Variants in COIL observed in about 807,000 individuals in gnomAD.
COIL encodes the protein coilin.
Under a neutral mutation model 51.6 loss-of-function variants are expected in COIL, and 28 were observed. The observed-to-expected ratio is 0.54, with a 90% CI of 0.40 to 0.74. The LOEUF is 0.74. Among genes scored for constraint, COIL ranks in the 30% least tolerant of loss-of-function variants. The pLI, the probability that COIL is intolerant of heterozygous loss-of-function variation, is 0.00. For synonymous variants in COIL, 233 were observed against 255.8 expected, an observed-to-expected ratio of 0.91 and a Z score of 0.85; for missense variants, 667 against 685.9, an observed-to-expected ratio of 0.97 and a Z score of 0.31.
rs1345932864 is a variant in COIL, at chr17:56,950,656, T to C, written c.586A>G (p.Lys196Glu). ...TTCGGAGACTTGGGATTCTTAGCCT[T>C]TTTTTTATATTCACATTTCTCCTTT... ...KKKEKCEYKK[K>E]AKNPKSPKVQ... The change falls in exon 2 of 7, where the codon AAG (lysine) becomes GAG (glutamate). Residue 196 changes from lysine to glutamate, a missense_variant. Coordinates refer to ENST00000240316, the MANE Select transcript of COIL (RefSeq NM_004645.3). 6.2e-7 allele frequency: 1 copy of C among 1,610,370 alleles called. No homozygotes were observed. Among genetic ancestry groups the C allele is most frequent in the Non-Finnish European group, 8.5e-7 (1 of 1,179,152 alleles).
At chr17:56,957,322 A>T (rs138562487) in intron 1 of COIL, among the ~76,000 whole-genome samples, 2,222 of 151,964 alleles carry the variant, frequency 0.015, 28 homozygotes, top group Middle Eastern at 0.024. Context: ...AAAATTAATT[A>T]AAAAAAATTA....
At chr17:56,952,236 C>T in intron 1 of COIL, 1 of 498,450 alleles carries the variant, frequency 2.0e-6, no homozygotes, top group South Asian at 1.5e-5. Flanking sequence ...ATGGAATAAT[C>T]AGCCTCAGAT....
chr17:56,953,247 TA>T (rs1164917924), intron 1 of COIL, among the ~76,000 whole-genome samples: 4 of 151,554 alleles, frequency 2.6e-5, no homozygotes, highest in Non-Finnish European at 5.9e-5. Flanking sequence ...CCGTCTCTAC[TA>T]AAAATACAAA....
At chr17:56,954,749 A>G (rs1475718736) in intron 1 of COIL, among the ~76,000 whole-genome samples, 2 of 152,036 alleles carry the variant, frequency 1.3e-5, no homozygotes, top group Non-Finnish European at 1.5e-5. Flanking sequence ...AGGGAAGATC[A>G]CTTGAACCCA....
rs776064711 is a variant in COIL, at chr17:56,942,087, T to C, written c.1595A>G (p.His532Arg). The stretch of plus-strand genomic sequence containing the variant: ...CACTACCTCGGCTCCATTTTCATTG[T>C]GATAAACTAAATCAAATTTCCCAGG... ...REPGKFDLVY[H>R]NENGAEVVEY... The change falls in exon 6 of 7, where the codon CAC (histidine) becomes CGC (arginine). Residue 532 changes from histidine to arginine, a missense_variant. Coordinates refer to ENST00000240316, the MANE Select transcript of COIL (RefSeq NM_004645.3). The C allele has an allele frequency of 6.2e-7, 1 of 1,614,198 alleles. No individual in the cohort carries two copies. Among genetic ancestry groups the C allele is most frequent in the South Asian group, 1.1e-5 (1 of 91,084 alleles).
chr17:56,956,484 G>A (rs554946403), intron 1 of COIL, among the ~76,000 whole-genome samples: 5 of 152,076 alleles, frequency 3.3e-5, no homozygotes, highest in African/African-American at 9.6e-5. Context: ...ACAAACTCCT[G>A]GACTCAAGTG....
chr17:56,960,877 C>T lies in COIL; in HGVS notation c.143G>A (p.Arg48His), dbSNP rs778580448. 5 of 1,614,100 alleles carry T rather than the reference C, an allele frequency of 3.1e-6. No individual in the cohort carries two copies. Among genetic ancestry groups the T allele is most frequent in the Non-Finnish European group, 1.7e-6 (2 of 1,179,966 alleles). Residue 48 changes from arginine (R) to histidine (H), a missense_variant, in exon 1 of 7, where the codon CGC becomes CAC. Coordinates refer to ENST00000240316, the MANE Select transcript of COIL (RefSeq NM_004645.3). ...GAAGGCCCCAGAACTGAAGCCGAAG[C>T]GCTGGCGGATGAGACTAATGAGATC... ...VTDLISLIRQ[R>H]FGFSSGAFLG... is the part of the protein sequence containing the mutation.
At chr17:56,939,452 A>G (rs1910104905) in intron 6 of COIL, among the ~76,000 whole-genome samples, 1 of 152,056 alleles carries the variant, frequency 6.6e-6, no homozygotes, top group African/African-American at 2.4e-5. Flanking sequence ...ATTAAAAAAC[A>G]AAACAAAAAA....
At chr17:56,945,263 G>C (rs1442656600) in intron 5 of COIL, among the ~76,000 whole-genome samples, 2 of 151,956 alleles carry the variant, frequency 1.3e-5, no homozygotes, top group Non-Finnish European at 2.9e-5. Flanking sequence ...ACTTGAACCT[G>C]GGAGGCGGAG....
intron 4 of COIL, among the ~76,000 whole-genome samples, chr17:56,948,643 A>T (rs1910297180): frequency 6.6e-6 from 1 of 151,878 alleles, no homozygotes; most frequent in African/African-American, 2.4e-5. Flanking sequence ...TGGGTGAAAA[A>T]GAAACATGTA....
rs1910318100 is a variant in COIL at position 56,949,688 on chromosome 17, G to C, written c.1433C>G (p.Ala478Gly). The stretch of plus-strand genomic sequence containing the variant: ...TGTTCTTTTGAAATATACCTTAAAT[G>C]CAATCTTTTCTCCAACTTGAGGGGC... ...AAAPQVGEKI[A>G]FKLLELTSSY... The change falls in exon 3 of 7, where the codon GCA becomes GGA. Residue 478 changes from alanine (A) to glycine (G), a missense_variant. By Grantham distance (60) the Ala-to-Gly change is moderately conservative. Transcript: ENST00000240316. 1.2e-6 allele frequency: 2 copies of C among 1,612,910 alleles called. No homozygotes were observed. Among genetic ancestry groups the C allele is most frequent in the South Asian group, 1.1e-5 (1 of 91,074 alleles).
intron 4 of COIL, 62 bp from the exon 5 acceptor site, chr17:56,946,573 C>T (rs1196423202): frequency 9.4e-7 from 1 of 1,058,468 alleles, no homozygotes; most frequent in East Asian, 2.4e-5. Flanking sequence ...ATACTAAAAA[C>T]CACTGAATTG....
rs961724269 is a variant in COIL, at chr17:56,949,478, C to T, written c.1441-44G>A. Reference sequence around the variant, plus strand: ...CCCACAAATACATAAGCCCTCTTATCCTCTCCCATTCCCACAGCTCCTCCA... The same window carrying T: ...CCCACAAATACATAAGCCCTCTTATTCTCTCCCATTCCCACAGCTCCTCCA... On this transcript the variant is annotated intron_variant, in intron 3 of 6. Coordinates refer to ENST00000240316, the MANE Select transcript of COIL (RefSeq NM_004645.3). The T allele has an allele frequency of 1.9e-6, 3 of 1,579,264 alleles. No individual in the cohort carries two copies. In the African/African-American group the frequency reaches 4.1e-5, roughly 21 times the overall value.
intron 1 of COIL, among the ~76,000 whole-genome samples, chr17:56,958,266 G>C (rs983673887): frequency 6.6e-6 from 1 of 152,188 alleles, no homozygotes; most frequent in East Asian, 1.9e-4. Context: ...ATCACAGAAG[G>C]TAATATACAA....
chr17:56,950,654 CTT>C lies in COIL; in HGVS notation c.586_587del (p.Lys196GlyfsTer2). On this transcript the variant is annotated frameshift_variant, in exon 2 of 7. Coordinates refer to ENST00000240316, the MANE Select transcript of COIL (RefSeq NM_004645.3). LOFTEE classifies it high-confidence loss of function. The part of the protein sequence containing the change: ...KKKEKCEYKK[K>X]AKNPKSPKVQ... ...CTTTCGGAGACTTGGGATTCTTAGC[CTT>C]TTTTTTATATTCACATTTCTCCTTT... 1 of 1,610,128 alleles carries C rather than the reference CTT, an allele frequency of 6.2e-7. No individual in the cohort carries two copies. The highest frequency in any genetic ancestry group is 1.7e-5 in the Admixed American group (1 of 58,998).
At chr17:56,957,525 G>A (rs1910506656) in intron 1 of COIL, among the ~76,000 whole-genome samples, 1 of 150,778 alleles carries the variant, frequency 6.6e-6, no homozygotes, top group African/African-American at 2.4e-5. Flanking sequence ...GGGAGGCTGA[G>A]GCAGGAGAAT....
At position 56,950,577 on chromosome 17, in the gene COIL, G is replaced by C; in HGVS notation, c.665C>G (p.Ser222Cys). The C allele has an allele frequency of 6.2e-7, 1 of 1,614,232 alleles. No homozygotes were observed. Among genetic ancestry groups the C allele is most frequent in the South Asian group, 1.1e-5 (1 of 91,084 alleles). The change falls in exon 2 of 7, where the codon TCT (serine) becomes TGT (cysteine). Residue 222 changes from serine (S) to cysteine (C), a missense_variant. Physicochemically the swap from Ser to Cys is moderately radical, Grantham distance 112. Coordinates refer to ENST00000240316, the MANE Select transcript of COIL (RefSeq NM_004645.3). ...GGCTTTAACAAGGCTGTTTCTAGCA[G>C]AACCTTTTGGAGAACTACATCTCTG... Reference protein sequence around the residue: ...ANQRCSSPKGSARNSLVKAKR... With the variant: ...ANQRCSSPKGCARNSLVKAKR...
intron 1 of COIL, among the ~76,000 whole-genome samples, chr17:56,956,644 C>T (rs1300116215): frequency 5.3e-5 from 8 of 151,980 alleles, no homozygotes; most frequent in South Asian, 4.2e-4. Flanking sequence ...CAGGCTGCAG[C>T]GCAGTGGCAC....
At chr17:56,945,985 G>C (rs554494089) in intron 5 of COIL, among the ~76,000 whole-genome samples, 1 of 152,122 alleles carries the variant, frequency 6.6e-6, no homozygotes, top group African/African-American at 2.4e-5. Flanking sequence ...CAAAGTGCAG[G>C]GATTACAGGT....
Sources: allele counts gnomAD v4.1 joint callset (sites outside exome capture counted in the v4.1 genomes callset), GRCh38; gene constraint gnomAD v4.1.1; transcripts MANE v1.5; gene names NCBI Gene and HGNC (gene_info 2026-07-23, HGNC 2026-07-21).